The following P4HA1 variants were observed in gnomAD, a reference collection of about 807,000 sequenced individuals.
P4HA1 encodes prolyl 4-hydroxylase subunit alpha 1.
P4HA1 carries 24 observed loss-of-function variants against 72.8 expected under a neutral mutation model. That is an observed-to-expected ratio of 0.33 (90% CI 0.24 to 0.46). The LOEUF is 0.46. Among genes scored for constraint, P4HA1 ranks in the 20% least tolerant of loss-of-function variants. P4HA1 has a pLI of 1.00. For missense variants in P4HA1, 446 were observed against 640.6 expected, an observed-to-expected ratio of 0.70 and a Z score of 3.28; for synonymous variants, 201 against 218.8, an observed-to-expected ratio of 0.92 and a Z score of 0.72.
chr10:73,007,349 A>G lies in P4HA1; in HGVS notation c.*873T>C, dbSNP rs1043931744. The G allele has an allele frequency of 1.3e-5, 2 of 152,636 alleles. No individual in the cohort carries two copies. The highest frequency in any genetic ancestry group is 4.8e-5 in the African/African-American group (2 of 41,452). The allele number at this position is 152,636 out of a possible 1,614,324, so 9.5% of individuals were successfully genotyped here. A position where few individuals can be genotyped will look rare whatever the true frequency, so the allele number is the denominator to read the frequency against. On this transcript the variant is annotated 3_prime_UTR_variant, in exon 15 of 15. Coordinates refer to ENST00000394890, the MANE Select transcript of P4HA1 (RefSeq NM_001017962.3). ...AAAAATCAATTCCCTCATCACTGAA[A>G]GGACTTGTACATTTTTAAACTTCCA... is the stretch of plus-strand genomic sequence containing the variant.
At chr10:73,009,321 T>A (rs1162444642) in intron 14 of P4HA1, among the ~76,000 whole-genome samples, 1 of 152,214 alleles carries the variant, frequency 6.6e-6, no homozygotes, top group Non-Finnish European at 1.5e-5. Context: ...TGAGAGTGAG[T>A]GCCTCTTTAA....
chr10:73,025,594 TGTTGGAA>T (rs1840246972), intron 10 of P4HA1, among the ~76,000 whole-genome samples: 1 of 152,002 alleles, frequency 6.6e-6, no homozygotes, highest in Admixed American at 6.6e-5. Context: ...TTCAACATAG[TGTTGGAA>T]GTTCTGGCCA....
chr10:73,079,216 G>A (rs890529543), intron 1 of P4HA1, among the ~76,000 whole-genome samples: 12 of 152,190 alleles, frequency 7.9e-5, no homozygotes, highest in African/African-American at 2.4e-5. Context: ...AACACTTTGG[G>A]AGGCTAAGGT....
rs545483452 is a variant in P4HA1 at position 73,035,021 on chromosome 10, T to C, written c.1149-4651A>G. Reference sequence around the variant, plus strand: ...TTTGTTGATGGACATTTGGGTTGCTTCTAACCTTGGGCTATAGTGAATAAA... The same window carrying C: ...TTTGTTGATGGACATTTGGGTTGCTCCTAACCTTGGGCTATAGTGAATAAA... On this transcript the variant is annotated intron_variant, in intron 9 of 14. Coordinates refer to ENST00000394890, the MANE Select transcript of P4HA1 (RefSeq NM_001017962.3). Among the ~76,000 whole-genome samples, 11 of 152,326 alleles carry C rather than the reference T, an allele frequency of 7.2e-5. No homozygotes were observed. The South Asian group carries it at 1.9e-3, about 26-fold the overall frequency.
chr10:73,068,072 G>A (rs1041095114), intron 5 of P4HA1, among the ~76,000 whole-genome samples: 1 of 152,066 alleles, frequency 6.6e-6, no homozygotes. Flanking sequence ...ATTTTTGGAA[G>A]TTCAAATTAA....
chr10:73,056,468 C>T (rs1841149890), intron 5 of P4HA1, among the ~76,000 whole-genome samples: 1 of 151,492 alleles, frequency 6.6e-6, no homozygotes, highest in African/African-American at 2.4e-5. Context: ...CCTGTCTCTA[C>T]TAAAAATATA....
chr10:73,021,718 G>A (rs544856385), intron 10 of P4HA1, among the ~76,000 whole-genome samples: 1 of 152,326 alleles, frequency 6.6e-6, no homozygotes, highest in East Asian at 1.9e-4. Context: ...AAGGAGTCAG[G>A]GAATTTCCCT....
chr10:73,039,991 A>G (rs988498971), intron 9 of P4HA1, among the ~76,000 whole-genome samples: 4 of 150,508 alleles, frequency 2.7e-5, no homozygotes, highest in Admixed American at 1.3e-4. Context: ...CCTCCTGGGT[A>G]GCTGGGACTA....
At chr10:73,074,721 G>T in intron 2 of P4HA1, 87 bp downstream of exon 2, 1 of 747,950 alleles carries the variant, frequency 1.3e-6, no homozygotes, top group Non-Finnish European at 2.4e-6. Context: ...GGAATACACT[G>T]TATTTGTTTT....
intron 9 of P4HA1, among the ~76,000 whole-genome samples, chr10:73,034,372 TCAGCACTATC>T (rs1430830143): frequency 6.6e-6 from 1 of 152,102 alleles, no homozygotes; most frequent in East Asian, 1.9e-4. Flanking sequence ...CTTACAACCA[TCAGCACTATC>T]CATTTCCAGA....
In P4HA1 at chr10:73,091,167, C is replaced by CAAAA. The variant is rs1461916288; in HGVS notation, c.-33+5595_-33+5598dup. Among the ~76,000 whole-genome samples the CAAAA allele has an allele frequency of 1.7e-3, 248 of 143,188 alleles. 2 individuals are homozygous for CAAAA. The highest frequency in any genetic ancestry group is 6.5e-3 in the African/African-American group (236 of 36,466). The allele number at this position is 143,188 out of a possible 152,430, so 93.9% of individuals were successfully genotyped here. On this transcript the variant is annotated intron_variant, in intron 1 of 14. Transcript: ENST00000394890. ...CTATGAATATGTTGCCTGAGTTTAC[C>CAAAA]AAAAAAATAAATAAATAAATAAATA...
At chr10:73,074,767 A>C in intron 2 of P4HA1, 41 bp downstream of exon 2, 1 of 1,068,708 alleles carries the variant, frequency 9.4e-7, no homozygotes, top group South Asian at 1.3e-5. Context: ...GGAAATTAAA[A>C]AATGCAAAAC....
At chr10:73,016,289 C>T (rs1840006090) in intron 11 of P4HA1, among the ~76,000 whole-genome samples, 1 of 152,180 alleles carries the variant, frequency 6.6e-6, no homozygotes, top group Non-Finnish European at 1.5e-5. Context: ...TTTCCATCTA[C>T]TAACACCCAC....
rs76021204 is a variant in P4HA1 at position 73,065,750 on chromosome 10, G to T, written c.463+3096C>A. 6.7e-3 allele frequency among the ~76,000 whole-genome samples: 1,018 copies of T among 152,204 alleles called. 9 individuals carry two copies. Among genetic ancestry groups the T allele is most frequent in the African/African-American group, 0.023 (946 of 41,520 alleles). On this transcript the variant is annotated intron_variant, in intron 5 of 14. Transcript: ENST00000394890. The stretch of plus-strand genomic sequence containing the variant: ...TATACCCTAAGAGAAAGCCTTGCAC[G>T]TGAGTACATGGCCACAAAAAGAAAT...
intron 5 of P4HA1, among the ~76,000 whole-genome samples, chr10:73,062,459 T>C (rs1841334043): frequency 6.6e-6 from 1 of 152,082 alleles, no homozygotes; most frequent in Non-Finnish European, 1.5e-5. Flanking sequence ...TCTCAGAATA[T>C]ACAGTTCTGA....
chr10:73,030,419 G>A (rs777678778), intron 9 of P4HA1, 49 bp from the exon 10 acceptor site: 5 of 925,100 alleles, frequency 5.4e-6, no homozygotes, highest in Non-Finnish European at 3.3e-6. Context: ...TCATTACATG[G>A]AGACTAATAG....
intron 10 of P4HA1, among the ~76,000 whole-genome samples, chr10:73,019,927 T>A (rs1293056615): frequency 1.3e-5 from 2 of 151,754 alleles, no homozygotes; most frequent in African/African-American, 2.4e-5. Context: ...CCATTAAACA[T>A]TTGTATTACA....
chr10:73,020,659 C>T (rs1050012158), intron 10 of P4HA1, among the ~76,000 whole-genome samples: 1 of 151,996 alleles, frequency 6.6e-6, no homozygotes, highest in Non-Finnish European at 1.5e-5. Context: ...AACACAGACA[C>T]AAAATACTCA....
chr10:73,008,861 C>G (rs554201088), intron 14 of P4HA1, among the ~76,000 whole-genome samples: 1 of 152,026 alleles, frequency 6.6e-6, no homozygotes, highest in East Asian at 1.9e-4. Flanking sequence ...AGAACCCAGT[C>G]AAAATATCTA....
Sources: gnomAD v4.1 joint callset for allele counts (sites outside exome capture counted in the v4.1 genomes callset) on GRCh38, gnomAD v4.1.1 for gene constraint, MANE v1.5 for transcripts, NCBI Gene and HGNC (gene_info 2026-07-23, HGNC 2026-07-21) for gene names.